GLT8D2: variants seen among roughly 807,000 people sequenced by gnomAD.
GLT8D2 encodes the protein glycosyltransferase 8 domain-containing protein 2.
A neutral mutation model predicts 44.5 loss-of-function variants in GLT8D2; 45 were observed. The ratio of observed to expected loss-of-function variants is 1.01; its 90% confidence interval spans 0.80 to 1.30. The LOEUF is 1.30. Among genes scored for constraint, GLT8D2 ranks in the 50% most tolerant of loss-of-function variants. GLT8D2 has a pLI of 0.00. For synonymous variants in GLT8D2, 156 were observed against 157.2 expected (o/e 0.99, Z 0.06); for missense variants, 400 against 430.4 (o/e 0.93, Z 0.62).
At chr12:104,001,245 C>A (rs1335691162) in intron 5 of GLT8D2, among the ~76,000 whole-genome samples, 2 of 152,218 alleles carry the variant, frequency 1.3e-5, no homozygotes, top group Admixed American at 6.5e-5. Context: ...ACATCTGGAT[C>A]ATATTTCACA....
At chr12:103,999,038 C>T (rs572832811) in intron 6 of GLT8D2, among the ~76,000 whole-genome samples, 18 of 152,328 alleles carry the variant, frequency 1.2e-4, no homozygotes, top group East Asian at 5.8e-4. Flanking sequence ...GCAGCTTTAA[C>T]GTACAATCAC....
chr12:104,048,244 T>C (rs1055426770), intron 1 of GLT8D2, among the ~76,000 whole-genome samples: 1 of 152,150 alleles, frequency 6.6e-6, no homozygotes, highest in Non-Finnish European at 1.5e-5. Flanking sequence ...CACCGCAGAG[T>C]GTGCTCCTAG....
At chr12:104,060,636 G>GCCTCTTCTCC (rs1882567364) in intron 1 of GLT8D2, among the ~76,000 whole-genome samples, 1 of 152,166 alleles carries the variant, frequency 6.6e-6, no homozygotes, top group South Asian at 2.1e-4. Context: ...AATAAGAGGA[G>GCCTCTTCTCC]AAGAGGCTGG....
Position 103,989,553 on chromosome 12 carries a change from G to T in GLT8D2, c.905C>A (p.Ser302Ter). The T allele has an allele frequency of 6.2e-7, 1 of 1,612,476 alleles. No individual in the cohort carries two copies. The highest frequency in any genetic ancestry group is 8.5e-7 in the Non-Finnish European group (1 of 1,179,302). The stretch of plus-strand genomic sequence containing the variant: ...TTTAGCTTCCTGCAGAAAATGCTCC[G>T]AATATCTGGCATCTGGATTCCAGCC... ...HLGWNPDARY[S>*]EHFLQEAKLL... The change falls in exon 11 of 11, where the codon TCG (serine) becomes TAG (stop). Residue 302 changes from serine (S) to a stop codon, truncating the protein, a stop_gained. Transcript: ENST00000360814. LOFTEE classifies it high-confidence loss of function.
chr12:103,989,474 G>C lies in GLT8D2; in HGVS notation c.984C>G (p.Asn328Lys). Residue 328 changes from asparagine to lysine, a missense_variant, in exon 11 of 11, where the codon AAC (asparagine) becomes AAG (lysine). Physicochemically the swap from Asn to Lys is moderately conservative, Grantham distance 94 (BLOSUM62 0). Coordinates refer to ENST00000360814, the MANE Select transcript of GLT8D2 (RefSeq NM_001384711.1). Reference protein sequence around the residue: ...HKPWDFPSVHNDLWESWFVPD... With the variant: ...HKPWDFPSVHKDLWESWFVPD... ...GAACAAACCAGCTTTCCCATAAGTC[G>C]TTGTGAACACTAGGGAAGTCCCAAG... 1 of 1,613,714 alleles carries C rather than the reference G, an allele frequency of 6.2e-7. No homozygotes were observed. The highest frequency in any genetic ancestry group is 8.5e-7 in the Non-Finnish European group (1 of 1,179,736).
In GLT8D2 at chr12:103,994,452, A is replaced by C; in HGVS notation, c.650T>G (p.Leu217Arg). 1.2e-6 allele frequency: 2 copies of C among 1,614,188 alleles called. No individual in the cohort carries two copies. The highest frequency in any genetic ancestry group is 1.7e-6 in the Non-Finnish European group (2 of 1,180,006). ...LDYRKKAIKD[L>R]GISPSTCSFN... Reference sequence around the variant, plus strand: ...AGAGCAGGTGCTGGGGCTGATGCCAAGGTCCTTGATGGCCTTCTTCCGGTA... The same window carrying C: ...AGAGCAGGTGCTGGGGCTGATGCCACGGTCCTTGATGGCCTTCTTCCGGTA... The change falls in exon 9 of 11, where the codon CTT becomes CGT. Residue 217 changes from leucine to arginine, a missense_variant. Physicochemically the swap from Leu to Arg is moderately radical, Grantham distance 102 (BLOSUM62 -2). Transcript: ENST00000360814.
chr12:104,023,600 T>C (rs1250812405), intron 1 of GLT8D2, among the ~76,000 whole-genome samples: 1 of 152,188 alleles, frequency 6.6e-6, no homozygotes, highest in African/African-American at 2.4e-5. Context: ...CTTTTACACA[T>C]GCATAGATTC....
intron 1 of GLT8D2, among the ~76,000 whole-genome samples, chr12:104,040,703 C>G (rs141034022): frequency 6.6e-6 from 1 of 151,974 alleles, no homozygotes; most frequent in Non-Finnish European, 1.5e-5. Flanking sequence ...GGATTACAGG[C>G]GTGAGCCACC....
intron 1 of GLT8D2, among the ~76,000 whole-genome samples, chr12:104,043,045 G>A (rs1880728931): frequency 6.6e-6 from 1 of 152,226 alleles, no homozygotes. Flanking sequence ...ATGGGTGCGT[G>A]AGATGCAGAC....
chr12:104,015,089 C>T lies in GLT8D2; in HGVS notation c.36G>A (p.Leu12=). ...CACAGAGGGTCACGATCAGAAGGAACAGCAGCACCTGATTAACTGAAATAG... is the reference window on the plus strand; with the variant it reads ...CACAGAGGGTCACGATCAGAAGGAATAGCAGCACCTGATTAACTGAAATAG... ...ALLRKINQVL[L]FLLIVTLCVI... is the part of the protein sequence containing the mutation. Residue 12 remains leucine, a synonymous_variant, in exon 4 of 11, where the codon CTG becomes CTA. Coordinates refer to ENST00000360814, the MANE Select transcript of GLT8D2 (RefSeq NM_001384711.1). 6.2e-7 allele frequency: 1 copy of T among 1,613,274 alleles called. No homozygotes were observed. The highest frequency in any genetic ancestry group is 1.1e-5 in the South Asian group (1 of 91,050).
chr12:103,999,131 A>C (rs73177954), intron 6 of GLT8D2, among the ~76,000 whole-genome samples: 1 of 152,040 alleles, frequency 6.6e-6, no homozygotes, highest in African/African-American at 2.4e-5. Flanking sequence ...TCCCACCCCC[A>C]CAGACATATT....
chr12:104,053,798 G>A (rs1458144816), upstream of GLT8D2, among the ~76,000 whole-genome samples: 1 of 151,862 alleles, frequency 6.6e-6, no homozygotes, highest in Non-Finnish European at 1.5e-5. Flanking sequence ...GCAGGAGAAT[G>A]GCTTGAACCC....
At chr12:103,994,312 A>G in intron 9 of GLT8D2, 23 bp downstream of exon 9, 1 of 1,571,040 alleles carries the variant, frequency 6.4e-7, no homozygotes, top group South Asian at 1.2e-5. Flanking sequence ...CATGGAAAAA[A>G]TGGTAGAGAA....
At chr12:104,046,729 A>G (rs1024922544) in intron 1 of GLT8D2, among the ~76,000 whole-genome samples, 2 of 152,238 alleles carry the variant, frequency 1.3e-5, no homozygotes, top group African/African-American at 2.4e-5. Context: ...ATCAGGACTC[A>G]GGAGTCTGTC....
chr12:104,025,395 G>A (rs1379121434), intron 1 of GLT8D2, among the ~76,000 whole-genome samples: 1 of 151,954 alleles, frequency 6.6e-6, no homozygotes, highest in African/African-American at 2.4e-5. Context: ...TTTTTGTAGA[G>A]ATGGGGTTTT....
chr12:104,060,266 TGGCTTCTTCA>T (rs1882525521), intron 1 of GLT8D2, among the ~76,000 whole-genome samples: 1 of 152,218 alleles, frequency 6.6e-6, no homozygotes, highest in Admixed American at 6.5e-5. Flanking sequence ...CCATCAATGC[TGGCTTCTTCA>T]GGGTGCTATT....
chr12:103,996,787 T>C lies in GLT8D2; in HGVS notation c.548A>G (p.Asp183Gly). Reference protein sequence around the residue: ...LALGHAAAFSDDCDLPSAQDI... With the variant: ...LALGHAAAFSGDCDLPSAQDI... ...CTGAGCAGAGGGCAAATCGCAGTCA[T>C]CTGAGAAAGCCGCCGCGTGGCCCAG... Residue 183 changes from aspartate (D) to glycine (G), a missense_variant, in exon 8 of 11, where the codon GAT becomes GGT. Coordinates refer to ENST00000360814, the MANE Select transcript of GLT8D2 (RefSeq NM_001384711.1). The C allele has an allele frequency of 6.2e-7, 1 of 1,614,176 alleles. No individual in the cohort carries two copies. Among genetic ancestry groups the C allele is most frequent in the Non-Finnish European group, 8.5e-7 (1 of 1,180,010 alleles).
intron 1 of GLT8D2, among the ~76,000 whole-genome samples, chr12:104,045,430 A>G (rs1290534296): frequency 1.3e-5 from 2 of 152,144 alleles, no homozygotes; most frequent in African/African-American, 4.8e-5. Context: ...ACAGACAGAG[A>G]GGTGGAGCTG....
chr12:104,056,536 A>T (rs762326167), intron 1 of GLT8D2, among the ~76,000 whole-genome samples: 1 of 152,274 alleles, frequency 6.6e-6, no homozygotes, highest in Non-Finnish European at 1.5e-5. Flanking sequence ...AATGATAGAA[A>T]TAAAACAATC....
Sources: allele counts gnomAD v4.1 joint callset (sites outside exome capture counted in the v4.1 genomes callset), GRCh38; gene constraint gnomAD v4.1.1; transcripts MANE v1.5; gene names NCBI Gene and HGNC (gene_info 2026-07-23, HGNC 2026-07-21).